The following MYO1B variants were observed in gnomAD, a reference collection of about 807,000 sequenced individuals.
MYO1B encodes the protein unconventional myosin-Ib.
In MYO1B, 72 loss-of-function variants were observed where a neutral mutation model predicts 159.7. That is an observed-to-expected ratio of 0.45 (90% CI 0.37 to 0.55). MYO1B has a LOEUF of 0.55. Ranked by LOEUF, MYO1B falls within the 20% of genes least tolerant of loss-of-function variation. The pLI, the probability that MYO1B is intolerant of heterozygous loss-of-function variation, is 0.00. For missense variants in MYO1B, 1,062 were observed against 1,364.8 expected (o/e 0.78, Z 3.50); for synonymous variants, 468 against 473.8 (o/e 0.99, Z 0.16).
At chr2:191,265,160 A>G (rs1687059108) in intron 1 of MYO1B, among the ~76,000 whole-genome samples, 1 of 151,828 alleles carries the variant, frequency 6.6e-6, no homozygotes, top group Non-Finnish European at 1.5e-5. Context: ...TTGTCACTAA[A>G]AGAGCCTGAA....
At chr2:191,320,977 A>G (rs1420903388) in intron 3 of MYO1B, among the ~76,000 whole-genome samples, 1 of 152,190 alleles carries the variant, frequency 6.6e-6, no homozygotes, top group Non-Finnish European at 1.5e-5. Context: ...TCCCCAGCAC[A>G]GTGCTTTCTA....
intron 25 of MYO1B, 104 bp from the exon 26 acceptor site, chr2:191,408,940 A>G: frequency 7.9e-7 from 1 of 1,267,198 alleles, no homozygotes; most frequent in Non-Finnish European, 1.1e-6. Flanking sequence ...TCCAAAGTTA[A>G]ATAAATTCTA....
At chr2:191,365,967 C>G (rs1485083992) in intron 11 of MYO1B, among the ~76,000 whole-genome samples, 1 of 152,114 alleles carries the variant, frequency 6.6e-6, no homozygotes, top group Non-Finnish European at 1.5e-5. Context: ...GACCTCACCC[C>G]CAGTGTTTGA....
At chr2:191,372,640 A>G (rs1034586871) in intron 13 of MYO1B, among the ~76,000 whole-genome samples, 1 of 152,192 alleles carries the variant, frequency 6.6e-6, no homozygotes, top group African/African-American at 2.4e-5. Flanking sequence ...TTTGTTTGCT[A>G]CAGACCTAAT....
intron 15 of MYO1B, among the ~76,000 whole-genome samples, chr2:191,384,507 A>C (rs763946682): frequency 1.2e-4 from 19 of 152,180 alleles, no homozygotes; most frequent in Admixed American, 3.9e-4. Context: ...AGGCATCACT[A>C]TTTTTCAATA....
chr2:191,393,675 G>A (rs530083897), intron 20 of MYO1B, among the ~76,000 whole-genome samples: 1 of 152,302 alleles, frequency 6.6e-6, no homozygotes, highest in East Asian at 1.9e-4. Flanking sequence ...GAAAGCTAAT[G>A]CCATGTTTTT....
At chr2:191,408,549 G>T (rs1697069328) in intron 25 of MYO1B, among the ~76,000 whole-genome samples, 1 of 152,168 alleles carries the variant, frequency 6.6e-6, no homozygotes, top group Non-Finnish European at 1.5e-5. Flanking sequence ...GGGGAGAGGG[G>T]TGACAGGGAG....
At chr2:191,380,097 A>G (rs907871262) in intron 13 of MYO1B, among the ~76,000 whole-genome samples, 1 of 152,216 alleles carries the variant, frequency 6.6e-6, no homozygotes. Flanking sequence ...ATATATTCAC[A>G]TGTGTTATTT....
At chr2:191,398,580 C>G (rs1211240054) in intron 21 of MYO1B, among the ~76,000 whole-genome samples, 1 of 149,200 alleles carries the variant, frequency 6.7e-6, no homozygotes, top group African/African-American at 2.5e-5. Context: ...CGCTCCTCAC[C>G]TCCCAGACAG....
chr2:191,416,976 G>A (rs1427855919), intron 30 of MYO1B, among the ~76,000 whole-genome samples: 2 of 152,216 alleles, frequency 1.3e-5, no homozygotes, highest in Non-Finnish European at 1.5e-5. Flanking sequence ...ATCTATCTAT[G>A]TAAGTGTTTT....
At position 191,303,425 on chromosome 2, in the gene MYO1B, C is replaced by T. The variant is rs1383424979; in HGVS notation, c.251+7199C>T. ...CTTAAATTGATCCAGTACGTCTCCA[C>T]AAATAAGTTGCAGAAAAGGGTTTTA... On this transcript the variant is annotated intron_variant, in intron 3 of 30. Transcript: ENST00000392318. 2.0e-5 allele frequency among the ~76,000 whole-genome samples: 3 copies of T among 152,284 alleles called. No homozygotes were observed. The South Asian group carries it at 6.2e-4, about 32-fold the overall frequency.
At chr2:191,373,798 T>C (rs1427662781) in intron 13 of MYO1B, among the ~76,000 whole-genome samples, 1 of 152,236 alleles carries the variant, frequency 6.6e-6, no homozygotes, top group African/African-American at 2.4e-5. Context: ...CATCAAATTA[T>C]AAAAATTTAA....
chr2:191,391,435 A>T (rs1483565783), intron 18 of MYO1B, among the ~76,000 whole-genome samples: 1 of 152,188 alleles, frequency 6.6e-6, no homozygotes, highest in Non-Finnish European at 1.5e-5. Flanking sequence ...TTAGTACCCT[A>T]ATTTAATGTA....
At chr2:191,343,594 G>C (rs1210568776) in intron 5 of MYO1B, among the ~76,000 whole-genome samples, 1 of 152,108 alleles carries the variant, frequency 6.6e-6, no homozygotes, top group Non-Finnish European at 1.5e-5. Flanking sequence ...TCCAATATTT[G>C]ACTTTTTGTT....
intron 1 of MYO1B, chr2:191,263,327 T>C (rs1686937261): frequency 2.0e-6 from 2 of 985,022 alleles, no homozygotes; most frequent in African/African-American, 1.7e-5. Flanking sequence ...CTCTCTTTCA[T>C]ATGAACTGAA....
rs1685828549 is a variant in MYO1B, at chr2:191,246,947, A to G, written c.-10+1321A>G. Reference sequence around the variant, plus strand: ...TGTGTGAGGATCGTTTAGAGGTGGTAGAATTAAATGTAATGTGTCAGACAT... The same window carrying G: ...TGTGTGAGGATCGTTTAGAGGTGGTGGAATTAAATGTAATGTGTCAGACAT... On this transcript the variant is annotated intron_variant, in intron 1 of 30. Coordinates refer to ENST00000392318, the MANE Select transcript of MYO1B (RefSeq NM_001130158.3). Among the ~76,000 whole-genome samples the G allele has an allele frequency of 3.9e-5, 6 of 152,220 alleles. No homozygotes were observed. In the South Asian group the frequency reaches 1.2e-3, roughly 31 times the overall value.
At chr2:191,346,176 A>G (rs1692551791) in intron 5 of MYO1B, 60 bp from the exon 6 acceptor site, 1 of 1,278,458 alleles carries the variant, frequency 7.8e-7, no homozygotes, top group Non-Finnish European at 1.1e-6. Context: ...TATTTGCTTT[A>G]TCTTTCTGCT....
At chr2:191,301,592 A>G (rs1689335716) in intron 3 of MYO1B, among the ~76,000 whole-genome samples, 1 of 152,260 alleles carries the variant, frequency 6.6e-6, no homozygotes, top group African/African-American at 2.4e-5. Context: ...TGTATATTAA[A>G]TATAAATGAA....
At chr2:191,247,844 G>A (rs1685879988) in intron 1 of MYO1B, 1 of 810,468 alleles carries the variant, frequency 1.2e-6, no homozygotes, top group Non-Finnish European at 1.5e-6. Flanking sequence ...CCGTTCTGGT[G>A]GATGCCTGAT....
Sources: allele counts gnomAD v4.1 joint callset (sites outside exome capture counted in the v4.1 genomes callset), GRCh38; gene constraint gnomAD v4.1.1; transcripts MANE v1.5; gene names NCBI Gene and HGNC (gene_info 2026-07-23, HGNC 2026-07-21).